CSTPP1: variants seen among roughly 807,000 people sequenced by gnomAD.
CSTPP1 encodes centriolar satellite-associated tubulin polyglutamylase complex regulator 1.
the CSTPP1 span, among the ~76,000 whole-genome samples, chr11:47,064,359 T>G: frequency 2.6e-5 from 4 of 152,168 alleles, no homozygotes; most frequent in African/African-American, 9.7e-5. Flanking sequence ...TTGTCCTCTG[T>G]GTTTTTGGTG....
chr11:46,955,986 A>ACCC, the CSTPP1 span, among the ~76,000 whole-genome samples: 6 of 115,566 alleles, frequency 5.2e-5, no homozygotes, highest in East Asian at 3.0e-4. Context: ...GACTCCATCC[A>ACCC]CCCCCCCCCC....
the CSTPP1 span, among the ~76,000 whole-genome samples, chr11:47,092,392 C>A: frequency 6.6e-6 from 1 of 152,158 alleles, no homozygotes; most frequent in East Asian, 1.9e-4. Context: ...ACATCTCTGA[C>A]TAGGAATGCA....
At chr11:46,968,831 G>A in the CSTPP1 span, among the ~76,000 whole-genome samples, 43 of 151,932 alleles carry the variant, frequency 2.8e-4, no homozygotes, top group Non-Finnish European at 5.0e-4. Flanking sequence ...CCCGGGGGGC[G>A]GAGGTTGCAG....
At chr11:47,043,151 C>T in the CSTPP1 span, among the ~76,000 whole-genome samples, 4 of 152,136 alleles carry the variant, frequency 2.6e-5, no homozygotes, top group Non-Finnish European at 4.4e-5. Context: ...ATGTTATACA[C>T]ACAGTGCAGG....
chr11:47,135,692 T>C, the CSTPP1 span, among the ~76,000 whole-genome samples: 2 of 152,252 alleles, frequency 1.3e-5, no homozygotes, highest in African/African-American at 4.8e-5. Flanking sequence ...GTTTATTTGC[T>C]TGCATTTTCA....
chr11:47,091,267 G>A, the CSTPP1 span, among the ~76,000 whole-genome samples: 1 of 151,204 alleles, frequency 6.6e-6, no homozygotes, highest in Non-Finnish European at 1.5e-5. Flanking sequence ...CCAGCTACTC[G>A]GGAGGCTGAG....
chr11:47,052,340 C>A, the CSTPP1 span: 1 of 1,563,172 alleles, frequency 6.4e-7, no homozygotes, highest in South Asian at 1.2e-5. Context: ...CTGATTCCAG[C>A]CTTCTGGATT....
chr11:47,116,781 G>C, the CSTPP1 span, among the ~76,000 whole-genome samples: 2 of 142,834 alleles, frequency 1.4e-5, no homozygotes, highest in Non-Finnish European at 3.0e-5. Context: ...CCGGGTTCAC[G>C]CCATTCTCCT....
chr11:47,017,831 C>A, the CSTPP1 span, among the ~76,000 whole-genome samples: 61 of 152,108 alleles, frequency 4.0e-4, no homozygotes, highest in African/African-American at 1.4e-3. Flanking sequence ...CCATGCCTGG[C>A]TAATTTTTGT....
chr11:47,073,855 G>C, the CSTPP1 span, among the ~76,000 whole-genome samples: 1 of 152,116 alleles, frequency 6.6e-6, no homozygotes, highest in Admixed American at 6.6e-5. Flanking sequence ...TGACTCTAAA[G>C]TGATGTAAAA....
chr11:47,092,913 G>A, the CSTPP1 span, among the ~76,000 whole-genome samples: 4 of 151,740 alleles, frequency 2.6e-5, no homozygotes, highest in Non-Finnish European at 5.9e-5. Context: ...TACAGGGGCA[G>A]GGATTTTCGT....
the CSTPP1 span, among the ~76,000 whole-genome samples, chr11:47,036,012 T>C: frequency 7.3e-6 from 1 of 136,804 alleles, no homozygotes; most frequent in Non-Finnish European, 1.5e-5. Context: ...ATCTCTAAGA[T>C]GTTAGTGAAA....
chr11:47,050,022 G>A, the CSTPP1 span, among the ~76,000 whole-genome samples: 1 of 152,076 alleles, frequency 6.6e-6, no homozygotes, highest in Non-Finnish European at 1.5e-5. Context: ...TGACTGTAAG[G>A]TTGGGTAGAG....
chr11:47,120,821 A>AAAACAGGTAACACCATG, the CSTPP1 span, among the ~76,000 whole-genome samples: 1 of 152,224 alleles, frequency 6.6e-6, no homozygotes, highest in East Asian at 1.9e-4. The surrounding 1 kb of genome is among the most constrained non-coding windows in gnomAD (Gnocchi z 4.2). Flanking sequence ...CAGCAGCTTA[A>AAAACAGGTAACACCATG]AAACAGGTAA....
the CSTPP1 span, among the ~76,000 whole-genome samples, chr11:46,957,719 A>T: frequency 6.6e-6 from 1 of 152,102 alleles, no homozygotes; most frequent in African/African-American, 2.4e-5. Flanking sequence ...TCTCTGTTCT[A>T]TCTCTGGAAC....
chr11:47,011,016 C>T, the CSTPP1 span, among the ~76,000 whole-genome samples: 1 of 151,994 alleles, frequency 6.6e-6, no homozygotes, highest in African/African-American at 2.4e-5. Flanking sequence ...TGATGAAATT[C>T]CCCCCAAACA....
At chr11:47,163,247 A>G in the CSTPP1 span, among the ~76,000 whole-genome samples, 1 of 151,848 alleles carries the variant, frequency 6.6e-6, no homozygotes, top group African/African-American at 2.4e-5. Context: ...AGCCCATAAG[A>G]GACATGGTTC....
At chr11:47,107,982 T>C in the CSTPP1 span, among the ~76,000 whole-genome samples, 8 of 152,388 alleles carry the variant, frequency 5.2e-5, no homozygotes, top group African/African-American at 1.7e-4. Flanking sequence ...AACTTCTGCA[T>C]GTGCGCATGT....
the CSTPP1 span, among the ~76,000 whole-genome samples, chr11:47,136,366 C>A: frequency 2.2e-3 from 332 of 152,262 alleles, 1 homozygote; most frequent in African/African-American, 7.4e-3. Context: ...CCAGGCTGTG[C>A]CCGAGGTCAG....
Sources: allele counts gnomAD v4.1 joint callset (sites outside exome capture counted in the v4.1 genomes callset), GRCh38; gene constraint gnomAD v4.1.1; non-coding constraint Gnocchi (gnomAD v3.1); transcripts MANE v1.5; gene names NCBI Gene and HGNC (gene_info 2026-07-23, HGNC 2026-07-21).